RSPH9: variants seen among roughly 807,000 people sequenced by gnomAD.
RSPH9 encodes radial spoke head protein 9 homolog.
RSPH9 carries 27 observed loss-of-function variants against 27.0 expected under a neutral mutation model. The ratio of observed to expected loss-of-function variants is 1.00; its 90% CI spans 0.74 to 1.38. The LOEUF (loss-of-function observed/expected upper bound fraction) is 1.38, where lower values mean the gene tolerates loss of function less well. Among genes scored for constraint, RSPH9 ranks in the 40% most tolerant of loss-of-function variants. The pLI, the probability that RSPH9 is intolerant of heterozygous loss-of-function variation, is 0.00. For synonymous variants in RSPH9, 145 were observed against 147.7 expected (o/e 0.98, Z 0.13); for missense variants, 347 against 357.4 (o/e 0.97, Z 0.24).
intron 1 of RSPH9, among the ~76,000 whole-genome samples, chr6:43,645,592 C>T (rs1006202353): frequency 7.9e-6 from 1 of 125,884 alleles, no homozygotes; most frequent in East Asian, 2.0e-4. Flanking sequence ...CGGGCGATGT[C>T]CCCCGGAGGG....
intron 1 of RSPH9, among the ~76,000 whole-genome samples, chr6:43,647,171 A>C (rs1770974687): frequency 7.3e-6 from 1 of 136,204 alleles, no homozygotes; most frequent in South Asian, 2.1e-4. Context: ...AAAAATAAAT[A>C]GGCCAGCAAC....
At position 43,653,141 on chromosome 6, in the gene RSPH9, A is replaced by G. The variant is rs566486293; in HGVS notation, c.394-2421A>G. 1.8e-4 allele frequency among the ~76,000 whole-genome samples: 27 copies of G among 152,224 alleles called. 1 individual carries two copies. In the South Asian group the frequency reaches 4.4e-3, roughly 25 times the overall value. ...AGCTGATTTCCAAGTTTTAGTTCTA[A>G]CAAACAGTACCATAATAAATGACCA... On this transcript the variant is annotated intron_variant, in intron 2 of 4. Transcript: ENST00000372163.
chr6:43,666,511 T>C, intron 4 of RSPH9: 1 of 1,548,174 alleles, frequency 6.5e-7, no homozygotes, highest in South Asian at 1.2e-5. Context: ...TCCTGCTCTG[T>C]GTCCATGAGG....
intron 4 of RSPH9, among the ~76,000 whole-genome samples, chr6:43,664,532 G>A (rs1772951946): frequency 6.6e-6 from 1 of 152,232 alleles, no homozygotes; most frequent in East Asian, 1.9e-4. Context: ...GTGGTACACA[G>A]GTGGAGCGAG....
intron 2 of RSPH9, among the ~76,000 whole-genome samples, chr6:43,653,482 C>T (rs1771696704): frequency 6.6e-6 from 1 of 151,176 alleles, no homozygotes; most frequent in South Asian, 2.1e-4. Context: ...ATAGACATCA[C>T]TTCCATTGTG....
At chr6:43,667,655 T>C (rs1773283694) in intron 4 of RSPH9, among the ~76,000 whole-genome samples, 1 of 152,144 alleles carries the variant, frequency 6.6e-6, no homozygotes, top group African/African-American at 2.4e-5. Flanking sequence ...CTCGATTTGA[T>C]ACGGGTCTGG....
At chr6:43,658,773 T>C (rs1200202052) in intron 4 of RSPH9, among the ~76,000 whole-genome samples, 3 of 152,186 alleles carry the variant, frequency 2.0e-5, no homozygotes, top group African/African-American at 7.2e-5. Flanking sequence ...CTCAATCTCC[T>C]GACCTTATGA....
In RSPH9 at chr6:43,671,808, C is replaced by A; in HGVS notation, c.*859C>A. 2 of 1,614,210 alleles carry A rather than the reference C, an allele frequency of 1.2e-6. No individual in the cohort carries two copies. Among genetic ancestry groups the A allele is most frequent in the Non-Finnish European group, 1.7e-6 (2 of 1,180,036 alleles). On this transcript the variant is annotated 3_prime_UTR_variant, in exon 5 of 5. Coordinates refer to ENST00000372163, the MANE Select transcript of RSPH9 (RefSeq NM_152732.5). ...TGTTCTTGAGTAGCAGACATTGTCC[C>A]TCAGAAGGGGTGACCCCACGGGCAT...
intron 3 of RSPH9, 111 bp from the exon 4 acceptor site, chr6:43,656,464 CAG>C: frequency 1.7e-6 from 2 of 1,188,842 alleles, no homozygotes; most frequent in Non-Finnish European, 1.3e-6. Flanking sequence ...AGCTCTCTGA[CAG>C]TGGTTGACAG....
intron 4 of RSPH9, among the ~76,000 whole-genome samples, chr6:43,668,411 T>C (rs1442789914): frequency 6.6e-6 from 1 of 152,082 alleles, no homozygotes. Flanking sequence ...TACATGCCGC[T>C]ACCGTACTCC....
intron 4 of RSPH9, among the ~76,000 whole-genome samples, chr6:43,664,387 C>T (rs895772040): frequency 1.3e-5 from 2 of 152,330 alleles, no homozygotes; most frequent in African/African-American, 2.4e-5. Context: ...TGAGCCACTG[C>T]ACCTGGCCTT....
In RSPH9 at chr6:43,655,608, T is replaced by C. The variant is rs372895772; in HGVS notation, c.440T>C (p.Ile147Thr). Residue 147 changes from isoleucine (I) to threonine (T), a missense_variant, in exon 3 of 5, where the codon ATT (isoleucine) becomes ACT (threonine). Transcript: ENST00000372163. ...CGCTTGGTGTCTGTCATTGACCAGA[T>C]TGACAAGGCTGTGGCCATCATCCCC... ...ETRLVSVIDQ[I>T]DKAVAIIPRG... 5 of 1,614,138 alleles carry C rather than the reference T, an allele frequency of 3.1e-6. No individual in the cohort carries two copies. The South Asian group carries it at 5.5e-5, about 18-fold the overall frequency.
Position 43,672,137 on chromosome 6 carries a change from C to A in RSPH9, c.*1188C>A. The stretch of plus-strand genomic sequence containing the variant: ...CCTGTGTGGCCAGGTTCAGGCAGCC[C>A]AGGGCCACAAGCTCCCTTGATCTTT... On this transcript the variant is annotated 3_prime_UTR_variant, in exon 5 of 5. Transcript: ENST00000372163. 1 of 593,826 alleles carries A rather than the reference C, an allele frequency of 1.7e-6. No individual in the cohort carries two copies. Among genetic ancestry groups the A allele is most frequent in the South Asian group, 2.1e-5 (1 of 48,774 alleles). 36.8% of individuals were successfully genotyped at this position (593,826 alleles called of 1,614,324 possible). A position where few individuals can be genotyped will look rare whatever the true frequency, so the allele number is the denominator to read the frequency against.
At position 43,656,721 on chromosome 6, in the gene RSPH9, A is replaced by G. The variant is rs772608546; in HGVS notation, c.668A>G (p.Lys223Arg). 2 of 1,614,044 alleles carry G rather than the reference A, an allele frequency of 1.2e-6. No homozygotes were observed. The highest frequency in any genetic ancestry group is 3.3e-5 in the Admixed American group (2 of 60,018). Residue 223 changes from lysine to arginine, a missense_variant and splice_region_variant, in exon 4 of 5, where the codon AAA becomes AGA. Coordinates refer to ENST00000372163, the MANE Select transcript of RSPH9 (RefSeq NM_152732.5). Reference sequence around the variant, plus strand: ...GACTCCTTGGAGCATGACATTCCCAAAGGTAATAGTCCATTACCTGGAGGC... The same window carrying G: ...GACTCCTTGGAGCATGACATTCCCAGAGGTAATAGTCCATTACCTGGAGGC... ...FMDSLEHDIP[K>R]GSWSIQMERG...
intron 4 of RSPH9, among the ~76,000 whole-genome samples, chr6:43,662,823 G>T (rs114385834): frequency 0.035 from 5,392 of 152,070 alleles, 311 homozygotes; most frequent in African/African-American, 0.12. Flanking sequence ...TAGAGACAGG[G>T]TCTTGCTTCA....
At chr6:43,655,984 T>A (rs1771969122) in intron 3 of RSPH9, among the ~76,000 whole-genome samples, 1 of 127,554 alleles carries the variant, frequency 7.8e-6, no homozygotes. Flanking sequence ...TCCTTCCTCC[T>A]TGGACTTCCT....
intron 2 of RSPH9, among the ~76,000 whole-genome samples, chr6:43,652,689 G>A (rs1370739387): frequency 1.3e-5 from 2 of 148,362 alleles, no homozygotes; most frequent in African/African-American, 5.0e-5. Flanking sequence ...GCCTCCCAAA[G>A]TGCTGGGATT....
intron 1 of RSPH9, among the ~76,000 whole-genome samples, chr6:43,649,140 G>A (rs779955319): frequency 1.3e-5 from 2 of 152,090 alleles, no homozygotes; most frequent in Non-Finnish European, 2.9e-5. Context: ...TGGATTTGGA[G>A]GGTTGCTGTT....
intron 4 of RSPH9, among the ~76,000 whole-genome samples, chr6:43,664,312 C>T (rs1772922576): frequency 6.6e-6 from 1 of 152,142 alleles, no homozygotes; most frequent in African/African-American, 2.4e-5. Flanking sequence ...CTCACTGCAG[C>T]CTCTGCCTCC....
Sources: gnomAD v4.1 joint callset for allele counts (sites outside exome capture counted in the v4.1 genomes callset) on GRCh38, gnomAD v4.1.1 for gene constraint, MANE v1.5 for transcripts, NCBI Gene and HGNC (gene_info 2026-07-23, HGNC 2026-07-21) for gene names.